The following IQGAP1 variants were observed in gnomAD, a reference collection of about 807,000 sequenced individuals.
The protein encoded by IQGAP1 is IQ motif containing GTPase activating protein 1.
In IQGAP1, 66 loss-of-function variants were observed where a neutral mutation model predicts 215.6. The observed-to-expected ratio is 0.31, with a 90% CI of 0.25 to 0.38. The LOEUF (loss-of-function observed/expected upper bound fraction) is 0.38, where lower values mean the gene tolerates loss of function less well. Ranked by LOEUF, IQGAP1 falls within the 10% of genes least tolerant of loss-of-function variation. IQGAP1 has a pLI of 1.00. For missense variants in IQGAP1, 1,712 were observed against 1,997.1 expected (o/e 0.86, Z 2.72); for synonymous variants, 772 against 728.7 (o/e 1.06, Z -0.96).
intron 9 of IQGAP1, among the ~76,000 whole-genome samples, chr15:90,444,174 T>C (rs1402558172): frequency 6.6e-6 from 1 of 151,756 alleles, no homozygotes; most frequent in Non-Finnish European, 1.5e-5. Flanking sequence ...AAAATTAGAC[T>C]CCTTCACTTA....
chr15:90,391,146 G>T (rs1964630283), intron 2 of IQGAP1: 2 of 291,446 alleles, frequency 6.9e-6, no homozygotes, highest in South Asian at 7.6e-5. Context: ...CCTGAGGAGG[G>T]AGGATCACTT....
chr15:90,429,775 T>A lies in IQGAP1; in HGVS notation c.390+109T>A, dbSNP rs1965277120. 5 of 615,218 alleles carry A rather than the reference T, an allele frequency of 8.1e-6. No homozygotes were observed. The South Asian group carries it at 1.4e-4, about 17-fold the overall frequency. The allele number at this position is 615,218 out of a possible 1,614,324, so 38.1% of individuals were successfully genotyped here. On this transcript the variant is annotated intron_variant, in intron 4 of 37. Coordinates refer to ENST00000268182, the MANE Select transcript of IQGAP1 (RefSeq NM_003870.4). ...AAAATTATTCTCAGAATCTTTGGTG[T>A]TTTTTTAAATACTAAAAGATGTCTT... is the stretch of plus-strand genomic sequence containing the variant.
At chr15:90,499,957 A>C (rs996905174) in intron 37 of IQGAP1, 38 bp from the exon 38 acceptor site, 1 of 1,109,380 alleles carries the variant, frequency 9.0e-7, no homozygotes, top group Non-Finnish European at 1.3e-6. Flanking sequence ...ATTAACTGTC[A>C]AAATGTTTTG....
intron 28 of IQGAP1, 180 bp from the exon 29 acceptor site, chr15:90,483,181 T>A (rs995424382): frequency 1.6e-5 from 9 of 569,178 alleles, no homozygotes; most frequent in Non-Finnish European, 2.8e-5. Context: ...GGATATTTCA[T>A]TTAGTTCCAG....
At chr15:90,396,916 G>C in intron 2 of IQGAP1, among the ~76,000 whole-genome samples, 2 of 151,428 alleles carry the variant, frequency 1.3e-5, no homozygotes, top group Middle Eastern at 6.9e-3. Context: ...GCAGTGGTGC[G>C]ATCTGGGCTC....
chr15:90,430,125 G>A (rs1193137288), intron 4 of IQGAP1, among the ~76,000 whole-genome samples: 3 of 152,086 alleles, frequency 2.0e-5, no homozygotes, highest in African/African-American at 7.2e-5. Context: ...GTAGAATGAC[G>A]TTTACTTCCT....
chr15:90,440,654 T>C (rs1483793901), intron 7 of IQGAP1, 39 bp downstream of exon 7: 2 of 1,240,490 alleles, frequency 1.6e-6, no homozygotes, highest in Admixed American at 2.1e-5. Flanking sequence ...ACTGGGATTG[T>C]TGCCACTATT....
chr15:90,426,135 G>T lies in IQGAP1; in HGVS notation c.181G>T (p.Asp61Tyr). ...GTGGATGGAAGCATGCCTAGGGGAA[G>T]ATCTGCCTCCCACCACAGAACTGGA... ...KRWMEACLGE[D>Y]LPPTTELEEG... is the part of the protein sequence containing the mutation. The change falls in exon 3 of 38, where the codon GAT becomes TAT. Residue 61 changes from aspartate to tyrosine, a missense_variant. Physicochemically the swap from Asp to Tyr is radical, Grantham distance 160. Transcript: ENST00000268182. 1 of 1,606,210 alleles carries T rather than the reference G, an allele frequency of 6.2e-7. No homozygotes were observed. Among genetic ancestry groups the T allele is most frequent in the South Asian group, 1.1e-5 (1 of 90,316 alleles).
At chr15:90,474,993 GC>G in intron 23 of IQGAP1, 1 of 166,330 alleles carries the variant, frequency 6.0e-6, no homozygotes, top group Non-Finnish European at 1.2e-5. Context: ...TTGATTTTTG[GC>G]TTTTTTTTTT....
In IQGAP1 at chr15:90,424,714, C is replaced by T. The variant is rs889636895; in HGVS notation, c.156-1396C>T. The stretch of plus-strand genomic sequence containing the variant: ...ATTAGCCAGGTGTGGTGGCACAGGC[C>T]TGTAATCCCAGCAACTCGGGAGGCT... On this transcript the variant is annotated intron_variant, in intron 2 of 37. Coordinates refer to ENST00000268182, the MANE Select transcript of IQGAP1 (RefSeq NM_003870.4). Among the ~76,000 whole-genome samples, 4 of 152,036 alleles carry T rather than the reference C, an allele frequency of 2.6e-5. No individual in the cohort carries two copies. The East Asian group carries it at 7.7e-4, about 29-fold the overall frequency.
chr15:90,492,991 C>A lies in IQGAP1; in HGVS notation c.4628+280C>A, dbSNP rs138128745. On this transcript the variant is annotated intron_variant, in intron 35 of 37. Coordinates refer to ENST00000268182, the MANE Select transcript of IQGAP1 (RefSeq NM_003870.4). ...GTCAAGGTGGCTCACACCTATCATC[C>A]CAGCACTTTGGGAGGCCGAGGCGGG... Among the ~76,000 whole-genome samples the A allele has an allele frequency of 7.4e-3, 1,129 of 152,182 alleles. 9 individuals carry two copies. Among genetic ancestry groups the A allele is most frequent in the Non-Finnish European group, 0.011 (753 of 68,014 alleles).
At position 90,426,362 on chromosome 15, in the gene IQGAP1, G is replaced by A. The variant is rs779118813; in HGVS notation, c.312+96G>A. 15 of 1,380,682 alleles carry A rather than the reference G, an allele frequency of 1.1e-5. No individual in the cohort carries two copies. The Admixed American group carries it at 1.5e-4, about 14-fold the overall frequency. 85.5% of individuals were successfully genotyped at this position (1,380,682 alleles called of 1,614,324 possible). On this transcript the variant is annotated intron_variant, in intron 3 of 37. Coordinates refer to ENST00000268182, the MANE Select transcript of IQGAP1 (RefSeq NM_003870.4). ...AGAGTTATTGAGAAGTCTGTGTAAG[G>A]TGTGTTTGTTGCAACAAATTATAGC...
chr15:90,489,983 C>A (rs976674972), intron 33 of IQGAP1, among the ~76,000 whole-genome samples: 1 of 152,142 alleles, frequency 6.6e-6, no homozygotes, highest in African/African-American at 2.4e-5. Flanking sequence ...GTGACAGAAC[C>A]GGAGGTGGAT....
intron 2 of IQGAP1, among the ~76,000 whole-genome samples, chr15:90,399,846 G>C (rs1406388646): frequency 6.6e-6 from 1 of 152,048 alleles, no homozygotes; most frequent in African/African-American, 2.4e-5. Flanking sequence ...ATTCATGTCT[G>C]TTTTGTCAAA....
chr15:90,473,601 C>CT, intron 19 of IQGAP1, 114 bp from the exon 20 acceptor site: 1 of 732,412 alleles, frequency 1.4e-6, no homozygotes, highest in South Asian at 1.8e-5. Flanking sequence ...GTGGTCCTTC[C>CT]TAAAACTTCA....
In IQGAP1 at chr15:90,441,664, A is replaced by T; in HGVS notation, c.808A>T (p.Met270Leu). The change falls in exon 8 of 38, where the codon ATG (methionine) becomes TTG (leucine). Residue 270 changes from methionine to leucine, a missense_variant. Met to Leu is a conservative substitution (Grantham distance 15). Coordinates refer to ENST00000268182, the MANE Select transcript of IQGAP1 (RefSeq NM_003870.4). ...ACTTTACCAGGCTAAGCAGGACAAA[A>T]TGACAAATGCTAAAAACAGGGTAAA... ...DILYQAKQDKMTNAKNRTENS... is the reference protein window; with the variant it reads ...DILYQAKQDKLTNAKNRTENS... 3.7e-6 allele frequency: 6 copies of T among 1,606,620 alleles called. No individual in the cohort carries two copies. The highest frequency in any genetic ancestry group is 5.1e-6 in the Non-Finnish European group (6 of 1,176,680).
intron 15 of IQGAP1, among the ~76,000 whole-genome samples, chr15:90,459,110 G>C (rs1163257554): frequency 6.6e-6 from 1 of 152,148 alleles, no homozygotes; most frequent in Non-Finnish European, 1.5e-5. Flanking sequence ...CCTTCCGCTT[G>C]CTGCCTCACT....
chr15:90,484,756 A>C (rs1006287035), intron 30 of IQGAP1, among the ~76,000 whole-genome samples: 1 of 151,924 alleles, frequency 6.6e-6, no homozygotes, highest in East Asian at 1.9e-4. Context: ...TGATCTGCCC[A>C]CCTCGGCCCC....
intron 11 of IQGAP1, 129 bp downstream of exon 11, chr15:90,449,772 T>C (rs1965575966): frequency 6.1e-6 from 4 of 652,224 alleles, no homozygotes; most frequent in Non-Finnish European, 1.0e-5. Flanking sequence ...CCAGGTACTT[T>C]TGGTGGCAGG....
Sources: allele counts gnomAD v4.1 joint callset (sites outside exome capture counted in the v4.1 genomes callset), GRCh38; gene constraint gnomAD v4.1.1; transcripts MANE v1.5; gene names NCBI Gene and HGNC (gene_info 2026-07-23, HGNC 2026-07-21).